Variants in IPO8 observed in about 807,000 individuals in gnomAD.
IPO8 encodes importin-8.
Under a neutral mutation model 141.2 loss-of-function variants are expected in IPO8, and 65 were observed. The observed-to-expected ratio is 0.46, with a 90% confidence interval of 0.38 to 0.57. The LOEUF (loss-of-function observed/expected upper bound fraction) is 0.57, where lower values mean the gene tolerates loss of function less well. IPO8 is among the 20% of genes least tolerant of loss of function. The pLI is 0.00. For synonymous variants in IPO8, 411 were observed against 420.3 expected (o/e 0.98, Z 0.27); for missense variants, 980 against 1,246.8 (o/e 0.79, Z 3.22).
chr12:30,637,057 G>T lies in IPO8; in HGVS notation c.2620C>A (p.Gln874Lys). Residue 874 changes from glutamine (Q) to lysine (K), a missense_variant, in exon 22 of 25, where the codon CAG becomes AAG. By Grantham distance (53) the Gln-to-Lys change is moderately conservative (BLOSUM62 1). This residue lies in a region of IPO8 where 924 missense variants were observed against 1,153.9 expected (regional missense o/e 0.80). Coordinates refer to ENST00000256079, the MANE Select transcript of IPO8 (RefSeq NM_006390.4). Reference protein sequence around the residue: ...SILFLFLGLKQVCATRQLVNR... With the variant: ...SILFLFLGLKKVCATRQLVNR... ...ACCAGTTGTCTAGTAGCACAGACCTGCTTTAGGCCAAGGAAAAGGAAAAGA... is the reference window on the plus strand; with the variant it reads ...ACCAGTTGTCTAGTAGCACAGACCTTCTTTAGGCCAAGGAAAAGGAAAAGA... 3 of 1,613,968 alleles carry T rather than the reference G, an allele frequency of 1.9e-6. No individual in the cohort carries two copies. The highest frequency in any genetic ancestry group is 2.5e-6 in the Non-Finnish European group (3 of 1,179,896).
At chr12:30,653,242 T>A (rs2052752828) in intron 17 of IPO8, 150 bp from the exon 18 acceptor site, 2 of 646,014 alleles carry the variant, frequency 3.1e-6, no homozygotes, top group Admixed American at 6.9e-5. Flanking sequence ...TATTTGTATC[T>A]TCGGCTATGT....
intron 1 of IPO8, chr12:30,694,907 C>G (rs2053322488): frequency 9.0e-6 from 4 of 445,764 alleles, no homozygotes; most frequent in Middle Eastern, 6.6e-4. Flanking sequence ...TTAGGAAGAA[C>G]AGGAGACGGA....
intron 5 of IPO8, among the ~76,000 whole-genome samples, chr12:30,677,843 A>T (rs1488050525): frequency 1.3e-5 from 2 of 152,212 alleles, no homozygotes; most frequent in African/African-American, 2.4e-5. Context: ...AAAGTTAAAA[A>T]TTTTAAAGTT....
chr12:30,667,148 G>A (rs2052978182), intron 10 of IPO8, among the ~76,000 whole-genome samples: 1 of 152,164 alleles, frequency 6.6e-6, no homozygotes, highest in Non-Finnish European at 1.5e-5. Context: ...TTGGAGTACT[G>A]TACTTACTCT....
chr12:30,641,439 C>A (rs1185049219), intron 20 of IPO8, among the ~76,000 whole-genome samples: 1 of 151,382 alleles, frequency 6.6e-6, no homozygotes, highest in Non-Finnish European at 1.5e-5. Context: ...ATAAATTAGA[C>A]CTTAGAACTG....
chr12:30,662,634 G>A, intron 14 of IPO8, 147 bp from the exon 15 acceptor site: 2 of 679,756 alleles, frequency 2.9e-6, no homozygotes, highest in Non-Finnish European at 5.3e-6. Context: ...TTACAAAGCT[G>A]TACCTAAATA....
At chr12:30,692,790 CT>C (rs2053303374) in intron 1 of IPO8, among the ~76,000 whole-genome samples, 1 of 152,132 alleles carries the variant, frequency 6.6e-6, no homozygotes, top group Non-Finnish European at 1.5e-5. Flanking sequence ...TCTCTCTGCT[CT>C]TTGCCTGGCC....
At chr12:30,649,001 A>G in intron 20 of IPO8, 136 bp downstream of exon 20, 1 of 534,058 alleles carries the variant, frequency 1.9e-6, no homozygotes, top group South Asian at 3.2e-5. Context: ...TTTGTCATTT[A>G]AACAGAATTT....
intron 20 of IPO8, among the ~76,000 whole-genome samples, chr12:30,643,477 C>G (rs1458761233): frequency 1.3e-5 from 2 of 152,160 alleles, no homozygotes; most frequent in Non-Finnish European, 2.9e-5. Context: ...CTACTATGGT[C>G]TCGATATGGT....
At chr12:30,659,033 A>ACCACGC (rs2052843771) in intron 16 of IPO8, among the ~76,000 whole-genome samples, 1 of 151,800 alleles carries the variant, frequency 6.6e-6, no homozygotes, top group South Asian at 2.1e-4. Flanking sequence ...GGCGCCCGCC[A>ACCACGC]CCACGCCAGG....
Position 30,651,681 on chromosome 12 carries a change from G to A in IPO8, c.2172+511C>T, listed in dbSNP as rs144449972. 8.4e-4 allele frequency among the ~76,000 whole-genome samples: 128 copies of A among 152,106 alleles called. 1 individual carries two copies. The highest frequency in any genetic ancestry group is 2.1e-3 in the East Asian group (11 of 5,186). ...AATAGTGGGCCAAACCTATCTTGTG[G>A]CAAAGACAATATGGCAGACAATCAT... is the stretch of plus-strand genomic sequence containing the variant. On this transcript the variant is annotated intron_variant, in intron 19 of 24. Coordinates refer to ENST00000256079, the MANE Select transcript of IPO8 (RefSeq NM_006390.4).
intron 16 of IPO8, among the ~76,000 whole-genome samples, chr12:30,659,859 C>CA (rs71049460): frequency 0.29 from 26,959 of 93,862 alleles, 2,825 homozygotes; most frequent in East Asian, 0.37. Flanking sequence ...TGTCTCAAAA[C>CA]AAAAAAAAAA....
At chr12:30,645,140 G>A (rs1249420752) in intron 20 of IPO8, among the ~76,000 whole-genome samples, 2 of 151,836 alleles carry the variant, frequency 1.3e-5, no homozygotes, top group African/African-American at 4.8e-5. Flanking sequence ...TTGGGGGGCT[G>A]AGGCTGGTGA....
chr12:30,676,936 A>G (rs1458462179), intron 5 of IPO8: 1 of 1,533,486 alleles, frequency 6.5e-7, no homozygotes, highest in African/African-American at 1.4e-5. Flanking sequence ...CACCTTGATG[A>G]AAATATTTAT....
At chr12:30,654,339 C>A (rs2052768851) in intron 17 of IPO8, among the ~76,000 whole-genome samples, 2 of 151,044 alleles carry the variant, frequency 1.3e-5, no homozygotes, top group East Asian at 1.9e-4. Context: ...AGGATATGAC[C>A]CCAAAGCACA....
intron 23 of IPO8, 108 bp from the exon 24 acceptor site, chr12:30,632,119 CAA>C: frequency 2.8e-6 from 2 of 702,078 alleles, no homozygotes; most frequent in Non-Finnish European, 4.9e-6. Context: ...CAGTAAGAGA[CAA>C]AGAGTACAGT....
chr12:30,652,080 T>C (rs1212004700), intron 19 of IPO8, 112 bp downstream of exon 19: 1 of 572,088 alleles, frequency 1.7e-6, no homozygotes, highest in Non-Finnish European at 3.1e-6. Context: ...TATATGTTGA[T>C]GAAGATAATG....
chr12:30,659,036 A>G (rs1273938504), intron 16 of IPO8, among the ~76,000 whole-genome samples: 1 of 151,648 alleles, frequency 6.6e-6, no homozygotes. Flanking sequence ...GCCCGCCACC[A>G]CGCCAGGCTA....
chr12:30,650,564 C>T (rs993931119), intron 19 of IPO8, among the ~76,000 whole-genome samples: 1 of 152,098 alleles, frequency 6.6e-6, no homozygotes, highest in African/African-American at 2.4e-5. Flanking sequence ...AGCTCTTCCA[C>T]TTATTAGCTG....
Sources: allele counts gnomAD v4.1 joint callset (sites outside exome capture counted in the v4.1 genomes callset), GRCh38; gene constraint gnomAD v4.1.1; regional missense constraint gnomAD v4.1.1; transcripts MANE v1.5; gene names NCBI Gene and HGNC (gene_info 2026-07-23, HGNC 2026-07-21).